The following CCDC9 variants were observed in gnomAD, a reference collection of about 807,000 sequenced individuals.
CCDC9 encodes coiled-coil domain-containing protein 9.
In CCDC9, 52 loss-of-function variants were observed where a neutral mutation model predicts 65.6. That is an observed-to-expected ratio of 0.79 (90% CI 0.63 to 1.00). CCDC9 has a LOEUF of 1.00. CCDC9 is among the 50% of genes least tolerant of loss of function. CCDC9 has a pLI of 0.00. For missense variants in CCDC9, 834 were observed against 757.2 expected (o/e 1.10, Z -1.19); for synonymous variants, 332 against 280.3 (o/e 1.18, Z -1.84).
chr19:47,275,324 C>T (rs895342287), downstream of CCDC9: 23 of 1,545,856 alleles, frequency 1.5e-5, no homozygotes, highest in Admixed American at 2.0e-5. Context: ...CGCCAGAGGC[C>T]GCGGAGGGGC....
downstream of CCDC9, chr19:47,273,669 C>CT: frequency 2.6e-6 from 1 of 389,982 alleles, no homozygotes; most frequent in Non-Finnish European, 4.5e-6. Context: ...GGCTGGGACG[C>CT]TTCCGCGTTA....
intron 8 of CCDC9, among the ~76,000 whole-genome samples, chr19:47,269,362 T>TG (rs199787737): frequency 0.015 from 2,245 of 152,158 alleles, 76 homozygotes; most frequent in African/African-American, 0.052. Context: ...TCTTTTTTTT[T>TG]TTGTTTTTTT....
chr19:47,273,319 C>G, downstream of CCDC9: 1 of 1,204,750 alleles, frequency 8.3e-7, no homozygotes, highest in African/African-American at 1.6e-5. Flanking sequence ...GGTGGGAAGA[C>G]TGCTCCCCTC....
chr19:47,270,018 G>A (rs1245846650), intron 8 of CCDC9, among the ~76,000 whole-genome samples: 1 of 151,100 alleles, frequency 6.6e-6, no homozygotes, highest in Admixed American at 6.6e-5. Context: ...ACCCAGGCTC[G>A]AGTACAGTGG....
chr19:47,259,457 C>G (rs1568635678), intron 3 of CCDC9, among the ~76,000 whole-genome samples: 1 of 151,922 alleles, frequency 6.6e-6, no homozygotes, highest in Non-Finnish European at 1.5e-5. Flanking sequence ...GGCTGGAACC[C>G]TAGTGGGAGA....
At chr19:47,273,967 C>T (rs1176467854), downstream of CCDC9, 1 of 984,676 alleles carries the variant, frequency 1.0e-6, no homozygotes, top group Non-Finnish European at 1.2e-6. Context: ...CTCCCGCAGG[C>T]CTCCCCGAAT....
Position 47,271,855 on chromosome 19 carries a change from G to A in CCDC9, c.*177G>A. ...CAGCTGAGGGGGTAGCGCAGCCCATGCTCTTCTGTACTGTCATGCCCGTCT... is the reference window on the plus strand; with the variant it reads ...CAGCTGAGGGGGTAGCGCAGCCCATACTCTTCTGTACTGTCATGCCCGTCT... On this transcript the variant is annotated 3_prime_UTR_variant, in exon 12 of 12. Transcript: ENST00000221922. 1 of 1,396,246 alleles carries A rather than the reference G, an allele frequency of 7.2e-7. No homozygotes were observed. Among genetic ancestry groups the A allele is most frequent in the Non-Finnish European group, 9.3e-7 (1 of 1,079,372 alleles). The allele number at this position is 1,396,246 out of a possible 1,614,324, so 86.5% of individuals were successfully genotyped here. A position where few individuals can be genotyped will look rare whatever the true frequency, so the allele number is the denominator to read the frequency against.
chr19:47,260,302 C>T lies in CCDC9; in HGVS notation c.109-19C>T, dbSNP rs1477594391. ...GACAGGGCACCTGATGCTTCCCTAC[C>T]CCGGCTGTCTGCTCCTAGGAGATTG... On this transcript the variant is annotated intron_variant, in intron 3 of 11. Coordinates refer to ENST00000221922, the MANE Select transcript of CCDC9 (RefSeq NM_015603.3). 1 of 1,546,746 alleles carries T rather than the reference C, an allele frequency of 6.5e-7. No homozygotes were observed. The highest frequency in any genetic ancestry group is 2.4e-5 in the East Asian group (1 of 41,854).
At chr19:47,275,482 CGGAATGGGGGCCCA>C, downstream of CCDC9, 1 of 1,292,950 alleles carries the variant, frequency 7.7e-7, no homozygotes, top group East Asian at 3.0e-5. Context: ...CGTCATCCCG[CGGAATGGGGGCCCA>C]GGGGGTGTCA....
downstream of CCDC9, chr19:47,273,698 G>T: frequency 2.6e-6 from 1 of 380,144 alleles, no homozygotes; most frequent in Non-Finnish European, 4.6e-6. Flanking sequence ...TGGAGGCCCT[G>T]GGCGGCTCGA....
chr19:47,269,988 AG>A (rs2059104944), intron 8 of CCDC9, among the ~76,000 whole-genome samples: 1 of 147,622 alleles, frequency 6.8e-6, no homozygotes, highest in South Asian at 2.1e-4. Context: ...TTTTTTTTTG[AG>A]ATAGGGTCTC....
downstream of CCDC9, chr19:47,273,342 C>T (rs1274947534): frequency 6.5e-6 from 8 of 1,230,486 alleles, no homozygotes; most frequent in Non-Finnish European, 7.1e-6. Context: ...CTGACTCAGC[C>T]CCTTCTCTCC....
chr19:47,266,462 T>C, intron 7 of CCDC9, 149 bp from the exon 8 acceptor site: 1 of 1,245,570 alleles, frequency 8.0e-7, no homozygotes, highest in Non-Finnish European at 1.1e-6. Context: ...AGGGCCTCTG[T>C]GAGGAGGTGC....
chr19:47,271,098 T>C lies in CCDC9; in HGVS notation c.1102T>C (p.Trp368Arg). 2 of 1,558,116 alleles carry C rather than the reference T, an allele frequency of 1.3e-6. No homozygotes were observed. The highest frequency in any genetic ancestry group is 2.0e-5 in the Admixed American group (1 of 49,586). ...PRAYSDHDDR[W>R]ETKEGAASPA... ...TCCCTCTAGTGACCATGATGACCGCTGGGAGACAAAAGAAGGGGCAGCATC... is the reference window on the plus strand; with the variant it reads ...TCCCTCTAGTGACCATGATGACCGCCGGGAGACAAAAGAAGGGGCAGCATC... The change falls in exon 11 of 12, where the codon TGG becomes CGG. Residue 368 changes from tryptophan to arginine, a missense_variant. By Grantham distance (101) the Trp-to-Arg change is moderately radical (BLOSUM62 -3). Coordinates refer to ENST00000221922, the MANE Select transcript of CCDC9 (RefSeq NM_015603.3).
At position 47,264,896 on chromosome 19, in the gene CCDC9, G is replaced by C; in HGVS notation, c.670G>C (p.Gly224Arg). ...GAGCCGCCGGCACGGCCGCAACTGG[G>C]GGGGCCCCGACTTCGAGCGGGTGCG... ...EESRRHGRNWGGPDFERVRCG... is the reference protein window; with the variant it reads ...EESRRHGRNWRGPDFERVRCG... The change falls in exon 7 of 12, where the codon GGG becomes CGG. Residue 224 changes from glycine (G) to arginine (R), a missense_variant. Physicochemically the swap from Gly to Arg is moderately radical, Grantham distance 125 (BLOSUM62 -2). Coordinates refer to ENST00000221922, the MANE Select transcript of CCDC9 (RefSeq NM_015603.3). 4.8e-6 allele frequency: 7 copies of C among 1,471,306 alleles called. No individual in the cohort carries two copies. The highest frequency in any genetic ancestry group is 6.3e-6 in the Non-Finnish European group (7 of 1,113,636). 91.1% of individuals were successfully genotyped at this position (1,471,306 alleles called of 1,614,324 possible). A position where few individuals can be genotyped will look rare whatever the true frequency, so the allele number is the denominator to read the frequency against.
intron 8 of CCDC9, among the ~76,000 whole-genome samples, chr19:47,268,153 CCTT>C (rs1164538181): frequency 1.3e-5 from 2 of 151,960 alleles, no homozygotes; most frequent in South Asian, 2.1e-4. Flanking sequence ...GGCACCACCA[CCTT>C]CTTAACCCAG....
At chr19:47,262,419 G>A (rs548293049) in intron 5 of CCDC9, among the ~76,000 whole-genome samples, 1 of 152,162 alleles carries the variant, frequency 6.6e-6, no homozygotes, top group East Asian at 1.9e-4. Flanking sequence ...GTTTCGCCAT[G>A]TTGGCCAGGC....
In CCDC9 at chr19:47,264,808, C is replaced by T. The variant is rs1456861236; in HGVS notation, c.582C>T (p.Phe194=). ...TTGAACCCAACCCAGTGCGGAACTTCCTGGACGACCCCCGGCGACGCAGCG... is the reference window on the plus strand; with the variant it reads ...TTGAACCCAACCCAGTGCGGAACTTTCTGGACGACCCCCGGCGACGCAGCG... ...GVLEPNPVRN[F]LDDPRRRSGP... The change falls in exon 7 of 12, where the codon TTC becomes TTT. Residue 194 remains phenylalanine (F), a synonymous_variant. Transcript: ENST00000221922. 1 of 1,577,712 alleles carries T rather than the reference C, an allele frequency of 6.3e-7. No individual in the cohort carries two copies. The highest frequency in any genetic ancestry group is 8.6e-7 in the Non-Finnish European group (1 of 1,159,666).
chr19:47,274,951 C>T, downstream of CCDC9: 1 of 1,368,262 alleles, frequency 7.3e-7, no homozygotes, highest in Non-Finnish European at 9.3e-7. Context: ...GGCGGCGGCG[C>T]CGAGAGCCCC....
Sources: allele counts gnomAD v4.1 joint callset (sites outside exome capture counted in the v4.1 genomes callset), GRCh38; gene constraint gnomAD v4.1.1; transcripts MANE v1.5; gene names NCBI Gene and HGNC (gene_info 2026-07-23, HGNC 2026-07-21).